SERPINB10: variants seen among roughly 807,000 people sequenced by gnomAD.
SERPINB10 encodes the protein serpin family B member 10, also known as serpin B10.
A neutral mutation model predicts 39.1 loss-of-function variants in SERPINB10; 35 were observed. The ratio of observed to expected loss-of-function variants is 0.90; its 90% CI spans 0.68 to 1.19. The LOEUF is 1.19. Among genes scored for constraint, SERPINB10 ranks in the 50% most tolerant of loss-of-function variants. The pLI, the probability that SERPINB10 is intolerant of heterozygous loss-of-function variation, is 0.00. For missense variants in SERPINB10, 546 were observed against 460.5 expected (o/e 1.19, Z -1.70); for synonymous variants, 190 against 158.1 (o/e 1.20, Z -1.52).
At chr18:63,922,004 A>G (rs1335806994) in intron 5 of SERPINB10, among the ~76,000 whole-genome samples, 1 of 151,898 alleles carries the variant, frequency 6.6e-6, no homozygotes, top group East Asian at 1.9e-4. Flanking sequence ...GCTCCCAGAC[A>G]TTTATGCAAA....
rs77785571 is a variant in SERPINB10, at chr18:63,916,643, A to G, written c.169-813A>G. Among the ~76,000 whole-genome samples, 134 of 152,238 alleles carry G rather than the reference A, an allele frequency of 8.8e-4. 2 individuals carry two copies. In the East Asian group the frequency reaches 0.025, roughly 29 times the overall value. On this transcript the variant is annotated intron_variant, in intron 2 of 7. Coordinates refer to ENST00000238508, the MANE Select transcript of SERPINB10 (RefSeq NM_005024.3). Reference sequence around the variant, plus strand: ...GTTCATTAGCTCAAAAGTCTTAATCATTAATGTGATAGACAATCTTAAGTG... The same window carrying G: ...GTTCATTAGCTCAAAAGTCTTAATCGTTAATGTGATAGACAATCTTAAGTG...
At chr18:63,908,127 C>T (rs146119793) in intron 1 of SERPINB10, 87 bp downstream of exon 1, 261 of 228,806 alleles carry the variant, frequency 1.1e-3, no homozygotes, top group African/African-American at 5.3e-3. Flanking sequence ...ATAATGAAGA[C>T]CCCTTCCCCC....
chr18:63,926,248 G>A (rs1240722919), intron 5 of SERPINB10, among the ~76,000 whole-genome samples: 1 of 151,904 alleles, frequency 6.6e-6, no homozygotes, highest in South Asian at 2.1e-4. Context: ...ATCTTTGCCT[G>A]CATTGGTACA....
chr18:63,924,330 A>G (rs562090467), intron 5 of SERPINB10, among the ~76,000 whole-genome samples: 4 of 151,760 alleles, frequency 2.6e-5, no homozygotes, highest in Non-Finnish European at 5.9e-5. Context: ...CACTGTTCTA[A>G]CTCCACTGTG....
intron 1 of SERPINB10, among the ~76,000 whole-genome samples, chr18:63,911,885 A>T (rs1239390376): frequency 6.6e-6 from 1 of 151,988 alleles, no homozygotes; most frequent in Non-Finnish European, 1.5e-5. Flanking sequence ...CATTTTAACA[A>T]TACTGATGTT....
chr18:63,921,536 C>A lies in SERPINB10; in HGVS notation c.490+1631C>A, dbSNP rs139907555. Among the ~76,000 whole-genome samples the A allele has an allele frequency of 7.3e-3, 1,103 of 152,070 alleles. 15 individuals carry two copies. Among genetic ancestry groups the A allele is most frequent in the African/African-American group, 0.025 (1,044 of 41,506 alleles). On this transcript the variant is annotated intron_variant, in intron 5 of 7. Transcript: ENST00000238508. ...TCCTTTCAATTCCTTTCCTCCACAGCCTTTCTTTCTTCGCTATCTTTTATC... is the reference window on the plus strand; with the variant it reads ...TCCTTTCAATTCCTTTCCTCCACAGACTTTCTTTCTTCGCTATCTTTTATC...
chr18:63,915,268 A>G (rs536802324), intron 1 of SERPINB10, among the ~76,000 whole-genome samples: 1 of 152,198 alleles, frequency 6.6e-6, no homozygotes, highest in South Asian at 2.1e-4. Flanking sequence ...ACCAGCATCC[A>G]TTTATTCTCT....
At chr18:63,923,677 T>C (rs886898935) in intron 5 of SERPINB10, among the ~76,000 whole-genome samples, 2 of 151,970 alleles carry the variant, frequency 1.3e-5, no homozygotes, top group African/African-American at 4.8e-5. Flanking sequence ...TAAAGGCCTT[T>C]AGGTAAACAA....
At chr18:63,910,543 T>G (rs1461106328) in intron 1 of SERPINB10, among the ~76,000 whole-genome samples, 1 of 151,968 alleles carries the variant, frequency 6.6e-6, no homozygotes, top group Non-Finnish European at 1.5e-5. Context: ...CACTTATAAA[T>G]GAGAACATGT....
chr18:63,917,437 AT>A lies in SERPINB10; in HGVS notation c.169-14del. 1 of 1,474,426 alleles carries A rather than the reference AT, an allele frequency of 6.8e-7. No homozygotes were observed. Among genetic ancestry groups the A allele is most frequent in the East Asian group, 2.3e-5 (1 of 42,830 alleles). 91.3% of individuals were successfully genotyped at this position (1,474,426 alleles called of 1,614,324 possible). ...ACTTCTCTGCAGTCTATTCATTTGT[AT>A]TTTTATTGAAATTACAGGTGCTTCA... On this transcript the variant is annotated intron_variant, in intron 2 of 7. Transcript: ENST00000238508.
At chr18:63,928,945 G>C (rs749306748) in intron 5 of SERPINB10, among the ~76,000 whole-genome samples, 2 of 152,040 alleles carry the variant, frequency 1.3e-5, no homozygotes, top group Non-Finnish European at 2.9e-5. Context: ...TTTCAATTTC[G>C]GTGGCCTATG....
intron 1 of SERPINB10, among the ~76,000 whole-genome samples, chr18:63,910,744 G>A (rs1021597291): frequency 6.7e-6 from 1 of 149,448 alleles, no homozygotes; most frequent in African/African-American, 2.5e-5. Flanking sequence ...ATTGTGAATA[G>A]TGCTGTGATG....
At chr18:63,922,603 G>A (rs2050153941) in intron 5 of SERPINB10, among the ~76,000 whole-genome samples, 1 of 151,930 alleles carries the variant, frequency 6.6e-6, no homozygotes, top group Non-Finnish European at 1.5e-5. Flanking sequence ...GCCTTTTAGA[G>A]CCAAGAAGAC....
chr18:63,917,627 G>A, intron 3 of SERPINB10, 106 bp downstream of exon 3: 1 of 630,652 alleles, frequency 1.6e-6, no homozygotes. Context: ...ATTTTTCTTA[G>A]AAACATATAT....
intron 6 of SERPINB10, 57 bp from the exon 7 acceptor site, chr18:63,932,991 T>G: frequency 1.3e-6 from 2 of 1,510,176 alleles, no homozygotes. Context: ...AAGGAGTTGG[T>G]GGAATACTTC....
intron 5 of SERPINB10, among the ~76,000 whole-genome samples, chr18:63,925,212 A>G (rs988582838): frequency 6.6e-5 from 10 of 152,020 alleles, no homozygotes; most frequent in Non-Finnish European, 1.5e-5. Context: ...AGTCTTCAAT[A>G]TATATGCAGA....
chr18:63,930,071 G>A lies in SERPINB10; in HGVS notation c.517G>A (p.Asp173Asn), dbSNP rs1383441962. The change falls in exon 6 of 8, where the codon GAC (aspartate) becomes AAC (asparagine). Residue 173 changes from aspartate to asparagine, a missense_variant. Physicochemically the swap from Asp to Asn is conservative, Grantham distance 23. Coordinates refer to ENST00000238508, the MANE Select transcript of SERPINB10 (RefSeq NM_005024.3). ...EGKIQNLLPDDSVDSTTRMIL... is the reference protein window; with the variant it reads ...EGKIQNLLPDNSVDSTTRMIL... ...TAAAATCCAGAATCTCCTGCCTGATGACTCTGTGGATTCCACAACCAGGAT... is the reference window on the plus strand; with the variant it reads ...TAAAATCCAGAATCTCCTGCCTGATAACTCTGTGGATTCCACAACCAGGAT... 6.2e-7 allele frequency: 1 copy of A among 1,613,406 alleles called. No homozygotes were observed. The highest frequency in any genetic ancestry group is 2.2e-5 in the East Asian group (1 of 44,870).
At chr18:63,913,821 C>T (rs915285810) in intron 1 of SERPINB10, among the ~76,000 whole-genome samples, 3 of 151,874 alleles carry the variant, frequency 2.0e-5, no homozygotes, top group Non-Finnish European at 4.4e-5. Context: ...TTAGTTTTCT[C>T]CCTCAATGAT....
chr18:63,923,403 T>TA (rs1368020500), intron 5 of SERPINB10, among the ~76,000 whole-genome samples: 1 of 151,950 alleles, frequency 6.6e-6, no homozygotes, highest in Non-Finnish European at 1.5e-5. Flanking sequence ...GACTAGGTTC[T>TA]ACCTGAACCA....
Sources: gnomAD v4.1 joint callset for allele counts (sites outside exome capture counted in the v4.1 genomes callset) on GRCh38, gnomAD v4.1.1 for gene constraint, MANE v1.5 for transcripts, NCBI Gene and HGNC (gene_info 2026-07-23, HGNC 2026-07-21) for gene names.